The following GPR141 variants were observed in gnomAD, a reference collection of about 807,000 sequenced individuals.
GPR141 encodes G protein-coupled receptor 141.
GPR141 carries 6 observed loss-of-function variants against 6.8 expected under a neutral mutation model. The observed-to-expected ratio is 0.88, with a 90% CI of 0.48 to 1.74. The LOEUF is 1.74. Ranked by LOEUF, GPR141 falls within the 40% of genes most tolerant of loss-of-function variation. The probability of loss-of-function intolerance (pLI) is 0.01; values close to 1 mark genes in which losing one functional copy is unlikely to be tolerated. For missense variants in GPR141, 372 were observed against 372.9 expected, an observed-to-expected ratio of 1.00 and a Z score of 0.02; for synonymous variants, 140 against 142.3, an observed-to-expected ratio of 0.98 and a Z score of 0.11.
At chr7:37,698,234 C>T (rs763069862) in intron 2 of GPR141, among the ~76,000 whole-genome samples, 9 of 152,180 alleles carry the variant, frequency 5.9e-5, no homozygotes, top group Non-Finnish European at 1.2e-4. Flanking sequence ...TGATATCTAA[C>T]TCAAATGAAA....
intron 2 of GPR141, among the ~76,000 whole-genome samples, chr7:37,691,138 C>T (rs74944992): frequency 1.3e-5 from 2 of 151,748 alleles, no homozygotes; most frequent in Non-Finnish European, 2.9e-5. Context: ...CTCCTGCTCA[C>T]GTTTGGTTTC....
At chr7:37,709,099 A>G (rs1349022839) in intron 2 of GPR141, among the ~76,000 whole-genome samples, 1 of 152,214 alleles carries the variant, frequency 6.6e-6, no homozygotes, top group Non-Finnish European at 1.5e-5. Flanking sequence ...ATAATTTTGC[A>G]TGGTGAAGGT....
At position 37,725,015 on chromosome 7, in the gene GPR141, C is replaced by T. The variant is rs73691174; in HGVS notation, c.-14-15365C>T. Among the ~76,000 whole-genome samples, 1,483 of 151,166 alleles carry T rather than the reference C, an allele frequency of 9.8e-3. 23 individuals carry two copies. Among genetic ancestry groups the T allele is most frequent in the African/African-American group, 0.034 (1,386 of 41,158 alleles). On this transcript the variant is annotated intron_variant, in intron 2 of 2. Coordinates refer to ENST00000334425, the MANE Select transcript of GPR141 (RefSeq NM_001381946.1). ...AAGGTCGCTGTGTGGGCCTCGGTGT[C>T]TTCCTTAGTTAAATGGGTGCACTGG...
Position 37,719,119 on chromosome 7 carries a change from T to C in GPR141, c.-14-21261T>C, listed in dbSNP as rs560959200. ...CATGGCCAGTTTATACTTAAAAATG[T>C]CCACACAGTTCTGGTTGGTTCTGCC... On this transcript the variant is annotated intron_variant, in intron 2 of 2. Coordinates refer to ENST00000334425, the MANE Select transcript of GPR141 (RefSeq NM_001381946.1). Among the ~76,000 whole-genome samples, 9 of 152,302 alleles carry C rather than the reference T, an allele frequency of 5.9e-5. No homozygotes were observed. The South Asian group carries it at 1.7e-3, about 28-fold the overall frequency.
chr7:37,692,013 A>G (rs560213389), intron 2 of GPR141, among the ~76,000 whole-genome samples: 1 of 151,884 alleles, frequency 6.6e-6, no homozygotes, highest in South Asian at 2.1e-4. Flanking sequence ...TTTTTTTATT[A>G]CACTTTAAGT....
chr7:37,723,113 A>G (rs1056460545), intron 2 of GPR141, among the ~76,000 whole-genome samples: 2 of 151,414 alleles, frequency 1.3e-5, no homozygotes, highest in Non-Finnish European at 2.9e-5. Context: ...TTGCCTCAGC[A>G]TCCTGAGTAG....
intron 2 of GPR141, among the ~76,000 whole-genome samples, chr7:37,697,908 T>A (rs1342025242): frequency 6.6e-6 from 1 of 152,130 alleles, no homozygotes; most frequent in Non-Finnish European, 1.5e-5. Context: ...ACCAAGGACA[T>A]AACTAACAGC....
At chr7:37,709,487 G>C (rs1230706430) in intron 2 of GPR141, among the ~76,000 whole-genome samples, 2 of 152,098 alleles carry the variant, frequency 1.3e-5, no homozygotes, top group African/African-American at 4.8e-5. Context: ...CTAGAAGAGG[G>C]ATTACCACCC....
chr7:37,715,357 T>C lies in GPR141; in HGVS notation c.-14-25023T>C, dbSNP rs1275083108. On this transcript the variant is annotated intron_variant, in intron 2 of 2. Coordinates refer to ENST00000334425, the MANE Select transcript of GPR141 (RefSeq NM_001381946.1). The stretch of plus-strand genomic sequence containing the variant: ...GTTGCCCAGGCCAGTCTGGAACTCC[T>C]GGCCTTGGGCAATCCTCCCACCTCG... Among the ~76,000 whole-genome samples the C allele has an allele frequency of 3.3e-5, 5 of 152,198 alleles. No individual in the cohort carries two copies. In the East Asian group the frequency reaches 9.6e-4, roughly 29 times the overall value.
intron 2 of GPR141, among the ~76,000 whole-genome samples, chr7:37,702,563 T>C (rs1274366638): frequency 1.3e-5 from 2 of 151,860 alleles, no homozygotes; most frequent in South Asian, 2.1e-4. Flanking sequence ...ACAATACACA[T>C]ATCTCGGAAC....
At chr7:37,716,419 AC>A (rs1452592067) in intron 2 of GPR141, among the ~76,000 whole-genome samples, 3 of 152,198 alleles carry the variant, frequency 2.0e-5, no homozygotes, top group African/African-American at 7.2e-5. Context: ...TAGAAGGGGT[AC>A]TTAGGAATTT....
chr7:37,731,544 C>T (rs576797870), intron 2 of GPR141, among the ~76,000 whole-genome samples: 1 of 152,030 alleles, frequency 6.6e-6, no homozygotes, highest in Non-Finnish European at 1.5e-5. Flanking sequence ...CCCGGGTTCA[C>T]GCCATTCTCC....
Position 37,740,753 on chromosome 7 carries a change from C to G in GPR141, c.360C>G (p.Cys120Trp). The G allele has an allele frequency of 6.2e-7, 1 of 1,614,100 alleles. No homozygotes were observed. Among genetic ancestry groups the G allele is most frequent in the Non-Finnish European group, 8.5e-7 (1 of 1,179,978 alleles). Residue 120 changes from cysteine to tryptophan, a missense_variant, in exon 3 of 3, where the codon TGC becomes TGG. Cys to Trp is a radical substitution (Grantham distance 215). Coordinates refer to ENST00000334425, the MANE Select transcript of GPR141 (RefSeq NM_001381946.1). ...LVTRYLIFFK[C>W]KDKVEFYRKL... is the part of the protein sequence containing the mutation. ...CCAGATACCTCATCTTCTTCAAGTGCAAAGACAAAGTGGAATTCTACAGAA... is the reference window on the plus strand; with the variant it reads ...CCAGATACCTCATCTTCTTCAAGTGGAAAGACAAAGTGGAATTCTACAGAA...
intron 2 of GPR141, among the ~76,000 whole-genome samples, chr7:37,699,167 A>C (rs182545895): frequency 1.6e-3 from 250 of 152,298 alleles, no homozygotes; most frequent in Non-Finnish European, 3.1e-3. Context: ...TTTTCTATGA[A>C]GAATCAGATA....
intron 2 of GPR141, among the ~76,000 whole-genome samples, chr7:37,706,147 A>C (rs139193302): frequency 5.9e-5 from 9 of 152,220 alleles, no homozygotes; most frequent in Non-Finnish European, 1.0e-4. Flanking sequence ...CACACACACA[A>C]AAATAATGGC....
chr7:37,701,761 T>C (rs779983539), intron 2 of GPR141, among the ~76,000 whole-genome samples: 6 of 152,240 alleles, frequency 3.9e-5, no homozygotes, highest in Admixed American at 6.5e-5. Flanking sequence ...GAAAACTTGC[T>C]TAACCTGCAG....
At chr7:37,686,653 C>T (rs1809527284) in intron 2 of GPR141, among the ~76,000 whole-genome samples, 1 of 152,070 alleles carries the variant, frequency 6.6e-6, no homozygotes, top group Non-Finnish European at 1.5e-5. Context: ...AAGGTATTAT[C>T]ATGGAGATTA....
chr7:37,732,295 C>T (rs1184438418), intron 2 of GPR141, among the ~76,000 whole-genome samples: 1 of 145,982 alleles, frequency 6.9e-6, no homozygotes, highest in Non-Finnish European at 1.5e-5. Context: ...TGGCAAAAAC[C>T]GCAATTACTT....
chr7:37,738,636 G>A (rs1277680567), intron 2 of GPR141, among the ~76,000 whole-genome samples: 1 of 151,928 alleles, frequency 6.6e-6, no homozygotes, highest in South Asian at 2.1e-4. Context: ...GCTTTGTGAG[G>A]TTGGGTTATT....
Sources: allele counts gnomAD v4.1 joint callset (sites outside exome capture counted in the v4.1 genomes callset), GRCh38; gene constraint gnomAD v4.1.1; transcripts MANE v1.5; gene names NCBI Gene and HGNC (gene_info 2026-07-23, HGNC 2026-07-21).